CFAP61: variants seen among roughly 807,000 people sequenced by gnomAD.
The protein encoded by CFAP61 is cilia and flagella associated protein 61.
CFAP61 carries 107 observed loss-of-function variants against 135.6 expected under a neutral mutation model. That is an observed-to-expected ratio of 0.79 (90% CI 0.67 to 0.93). The LOEUF (loss-of-function observed/expected upper bound fraction) is 0.93, where lower values mean the gene tolerates loss of function less well. Ranked by LOEUF, CFAP61 falls within the 40% of genes least tolerant of loss-of-function variation. The pLI, the probability that CFAP61 is intolerant of heterozygous loss-of-function variation, is 0.00. For synonymous variants in CFAP61, 575 were observed against 578.5 expected, an observed-to-expected ratio of 0.99 and a Z score of 0.09; for missense variants, 1,507 against 1,556.2, an observed-to-expected ratio of 0.97 and a Z score of 0.53.
At chr20:20,353,213 C>G (rs772398271) in intron 26 of CFAP61, among the ~76,000 whole-genome samples, 2 of 152,178 alleles carry the variant, frequency 1.3e-5, no homozygotes, top group Non-Finnish European at 2.9e-5. Context: ...TGTCTGTGTG[C>G]ATTGTGGGTT....
At chr20:20,069,643 C>T (rs1453711031) in intron 2 of CFAP61, 3 of 430,730 alleles carry the variant, frequency 7.0e-6, no homozygotes, top group South Asian at 1.7e-5. Flanking sequence ...AAAGATAAGT[C>T]TGGAGAGACA....
rs571356966 is a variant in CFAP61 at position 20,152,306 on chromosome 20, GA to G, written c.952-7054del. Reference sequence around the variant, plus strand: ...AGGGCCTATAAAACAATAACACAATGAAAAAAAAAACACCAAAGTATTCAGG... The same window carrying G: ...AGGGCCTATAAAACAATAACACAATGAAAAAAAAACACCAAAGTATTCAGG... On this transcript the variant is annotated intron_variant, in intron 9 of 26. Coordinates refer to ENST00000245957, the MANE Select transcript of CFAP61 (RefSeq NM_015585.4). 1.2e-4 allele frequency among the ~76,000 whole-genome samples: 18 copies of G among 145,514 alleles called. No homozygotes were observed. In the East Asian group the frequency reaches 1.6e-3, roughly 13 times the overall value.
intron 24 of CFAP61, among the ~76,000 whole-genome samples, chr20:20,290,756 A>G (rs966239853): frequency 6.6e-6 from 1 of 152,198 alleles, no homozygotes; most frequent in African/African-American, 2.4e-5. Flanking sequence ...GTGGCAAGGA[A>G]TTGAGGACTC....
chr20:20,332,954 A>G (rs2058055280), intron 25 of CFAP61, among the ~76,000 whole-genome samples: 1 of 152,160 alleles, frequency 6.6e-6, no homozygotes, highest in Non-Finnish European at 1.5e-5. Flanking sequence ...ACAAAACTTC[A>G]AGAAAGCTAG....
At chr20:20,189,590 A>G (rs2055768879) in intron 14 of CFAP61, among the ~76,000 whole-genome samples, 1 of 152,142 alleles carries the variant, frequency 6.6e-6, no homozygotes, top group African/African-American at 2.4e-5. Context: ...CTTCACCGTC[A>G]TCCCAGTAAC....
rs60927010 is a variant in CFAP61, at chr20:20,301,992, A to G, written c.3422+3606A>G. Among the ~76,000 whole-genome samples, 443 of 152,352 alleles carry G rather than the reference A, an allele frequency of 2.9e-3. 2 individuals carry two copies. Among genetic ancestry groups the G allele is most frequent in the African/African-American group, 0.01 (417 of 41,580 alleles). Reference sequence around the variant, plus strand: ...TTAGATCAATTAGGCAAGAATTGACATATTTGATATTGAGTCCAATATCAT... The same window carrying G: ...TTAGATCAATTAGGCAAGAATTGACGTATTTGATATTGAGTCCAATATCAT... On this transcript the variant is annotated intron_variant, in intron 25 of 26. Transcript: ENST00000245957.
intron 6 of CFAP61, among the ~76,000 whole-genome samples, chr20:20,076,641 A>C (rs1164753699): frequency 6.6e-6 from 1 of 152,202 alleles, no homozygotes; most frequent in Non-Finnish European, 1.5e-5. Flanking sequence ...TGAAGAATAA[A>C]TTGTATCTTT....
chr20:20,180,127 A>C (rs187125563), intron 13 of CFAP61, among the ~76,000 whole-genome samples: 22 of 152,322 alleles, frequency 1.4e-4, no homozygotes, highest in African/African-American at 4.3e-4. Context: ...GCATCTGACA[A>C]AGGTCTAATA....
intron 8 of CFAP61, among the ~76,000 whole-genome samples, chr20:20,111,209 T>A (rs1337984467): frequency 2.6e-5 from 4 of 152,236 alleles, no homozygotes; most frequent in Non-Finnish European, 5.9e-5. Context: ...TTTATATGAA[T>A]ACTTCAAAAA....
Position 20,072,091 on chromosome 20 carries a change from C to CTTTTTTT in CFAP61, c.294+1122_294+1128dup, listed in dbSNP as rs71198039. On this transcript the variant is annotated intron_variant, in intron 3 of 26. Transcript: ENST00000245957. ...CCTATTTGGTATCTAATCTAGCAAT[C>CTTTTTTT]TTTTTTTTTTTTTTTTTTTTTTTTT... Among the ~76,000 whole-genome samples, 26 of 57,636 alleles carry CTTTTTTT rather than the reference C, an allele frequency of 4.5e-4. 5 individuals carry two copies. The highest frequency in any genetic ancestry group is 7.7e-4 in the Admixed American group (3 of 3,912). The allele number at this position is 57,636 out of a possible 152,430, so 37.8% of individuals were successfully genotyped here.
chr20:20,181,276 T>TATACACACAC (rs1555898669), intron 13 of CFAP61, among the ~76,000 whole-genome samples: 1 of 144,544 alleles, frequency 6.9e-6, no homozygotes, highest in African/African-American at 2.6e-5. Context: ...TGTGTATGTA[T>TATACACACAC]ACACACACAC....
intron 26 of CFAP61, among the ~76,000 whole-genome samples, chr20:20,354,872 G>A (rs1371639374): frequency 6.6e-6 from 1 of 151,080 alleles, no homozygotes; most frequent in Non-Finnish European, 1.5e-5. Flanking sequence ...CACTGAGAGG[G>A]GAGGTGGTCA....
chr20:20,065,967 A>G (rs2045227696), intron 2 of CFAP61, among the ~76,000 whole-genome samples: 1 of 148,130 alleles, frequency 6.8e-6, no homozygotes, highest in African/African-American at 2.5e-5. Flanking sequence ...AATCTTTTGT[A>G]CAAAGAACTT....
intron 22 of CFAP61, among the ~76,000 whole-genome samples, chr20:20,285,777 G>A (rs1046323033): frequency 3.9e-5 from 6 of 151,966 alleles, no homozygotes; most frequent in South Asian, 2.1e-4. Flanking sequence ...AAAATTAGCC[G>A]GGTATGGTGG....
At chr20:20,228,512 A>C in intron 18 of CFAP61, 136 bp downstream of exon 18, 1 of 673,180 alleles carries the variant, frequency 1.5e-6, no homozygotes, top group East Asian at 2.6e-5. Context: ...TGGATGGATG[A>C]ATCAGTAGAA....
intron 25 of CFAP61, among the ~76,000 whole-genome samples, chr20:20,302,138 T>C (rs6106227): frequency 0.2 from 29,969 of 152,118 alleles, 3,846 homozygotes; most frequent in African/African-American, 0.34. Context: ...TTATATTATT[T>C]TTTCTGTTTT....
chr20:20,280,484 G>C (rs943403489), intron 22 of CFAP61, among the ~76,000 whole-genome samples: 2 of 152,114 alleles, frequency 1.3e-5, no homozygotes, highest in African/African-American at 4.8e-5. Context: ...CACAGTGTAT[G>C]TACCTACTAA....
intron 18 of CFAP61, chr20:20,232,919 C>G (rs1189395871): frequency 6.6e-6 from 1 of 152,196 alleles, no homozygotes; most frequent in Non-Finnish European, 1.5e-5. Flanking sequence ...AGCCCGGGTT[C>G]CCCTTGTCTT....
intron 26 of CFAP61, among the ~76,000 whole-genome samples, chr20:20,348,958 C>T (rs1278675283): frequency 6.6e-6 from 1 of 152,170 alleles, no homozygotes; most frequent in African/African-American, 2.4e-5. Context: ...CCTGCTTTCA[C>T]CACTTATATT....
Sources: gnomAD v4.1 joint callset for allele counts (sites outside exome capture counted in the v4.1 genomes callset) on GRCh38, gnomAD v4.1.1 for gene constraint, MANE v1.5 for transcripts, NCBI Gene and HGNC (gene_info 2026-07-23, HGNC 2026-07-21) for gene names.